The following SLC2A9 variants were observed in gnomAD, a reference collection of about 807,000 sequenced individuals.
SLC2A9 encodes the protein solute carrier family 2, facilitated glucose transporter member 9.
In SLC2A9, 39 loss-of-function variants were observed where a neutral mutation model predicts 50.6. The ratio of observed to expected loss-of-function variants is 0.77; its 90% CI spans 0.60 to 1.01. SLC2A9 has a LOEUF of 1.01. Ranked by LOEUF, SLC2A9 falls within the 50% of genes least tolerant of loss-of-function variation. SLC2A9 has a pLI of 0.00. For missense variants in SLC2A9, 686 were observed against 677.6 expected (o/e 1.01, Z -0.14); for synonymous variants, 324 against 276.9 (o/e 1.17, Z -1.69).
intron 8 of SLC2A9, among the ~76,000 whole-genome samples, chr4:9,892,986 CCA>C (rs1737806143): frequency 2.0e-5 from 3 of 152,160 alleles, no homozygotes; most frequent in Non-Finnish European, 4.4e-5. Flanking sequence ...ATTATTTGCT[CCA>C]TTTTACAGGT....
At chr4:9,775,888 T>A (rs974176338), downstream of SLC2A9, among the ~76,000 whole-genome samples, 3 of 152,194 alleles carry the variant, frequency 2.0e-5, no homozygotes, top group African/African-American at 7.2e-5. Flanking sequence ...ATGGGCCTTC[T>A]CCATCTGTAG....
At chr4:9,799,700 C>CCACCCA (rs1553813203) in intron 3 of SLC2A9, among the ~76,000 whole-genome samples, 1 of 93,636 alleles carries the variant, frequency 1.1e-5, no homozygotes, top group Non-Finnish European at 2.1e-5. Flanking sequence ...GTACCCCCCC[C>CCACCCA]CCACCCAACT....
intron 5 of SLC2A9, among the ~76,000 whole-genome samples, chr4:9,961,768 A>G (rs567247790): frequency 6.6e-6 from 1 of 152,336 alleles, no homozygotes; most frequent in South Asian, 2.1e-4. Context: ...ATCAGAGAAA[A>G]CAGACAGCCT....
chr4:9,852,133 G>C (rs979467672), intron 10 of SLC2A9, among the ~76,000 whole-genome samples: 15 of 152,268 alleles, frequency 9.9e-5, no homozygotes, highest in African/African-American at 3.1e-4. Context: ...AATGTTAAAG[G>C]CAGCTAGAGA....
chr4:9,913,330 TGA>T (rs968021703), intron 7 of SLC2A9, among the ~76,000 whole-genome samples: 1,611 of 88,672 alleles, frequency 0.018, 7 homozygotes, highest in African/African-American at 0.032. Context: ...TGTGTGTGTG[TGA>T]GAGAGAGAGA....
At chr4:9,791,996 C>T (rs536555957) in intron 3 of SLC2A9, among the ~76,000 whole-genome samples, 4 of 152,060 alleles carry the variant, frequency 2.6e-5, no homozygotes, top group Non-Finnish European at 5.9e-5. Flanking sequence ...ACTTTGTAAA[C>T]CTTTTTCCAT....
chr4:9,782,267 A>G (rs1452228230), intron 3 of SLC2A9: 4 of 1,613,814 alleles, frequency 2.5e-6, no homozygotes, highest in East Asian at 2.2e-5. Flanking sequence ...CAACGTCTTC[A>G]TCGTGTCTCT....
At chr4:9,955,931 G>A (rs1011957776) in intron 5 of SLC2A9, among the ~76,000 whole-genome samples, 14 of 132,142 alleles carry the variant, frequency 1.1e-4, no homozygotes, top group Non-Finnish European at 1.7e-4. Context: ...AGGCTGGAGT[G>A]TAGTGGTGCA....
downstream of SLC2A9, among the ~76,000 whole-genome samples, chr4:9,795,842 G>A (rs147774694): frequency 1.6e-3 from 243 of 152,252 alleles, 1 homozygote; most frequent in African/African-American, 5.8e-3. Flanking sequence ...GACCTCAGGG[G>A]GAACCAAAGA....
chr4:9,952,022 G>A (rs1750376723), intron 5 of SLC2A9, among the ~76,000 whole-genome samples: 1 of 152,334 alleles, frequency 6.6e-6, no homozygotes, highest in South Asian at 2.1e-4. Context: ...AAGAAAGAGA[G>A]TGCCCTCTGG....
At chr4:9,920,615 T>C in intron 6 of SLC2A9, 43 bp from the exon 7 acceptor site, 1 of 1,610,058 alleles carries the variant, frequency 6.2e-7, no homozygotes, top group South Asian at 1.1e-5. Context: ...GGGATTAGAG[T>C]GTCCATCATG....
At chr4:10,008,381 G>A (rs1761163086) in intron 2 of SLC2A9, among the ~76,000 whole-genome samples, 1 of 152,222 alleles carries the variant, frequency 6.6e-6, no homozygotes, top group Admixed American at 6.5e-5. Context: ...GTCAGCAGCT[G>A]TGCTGGCTCT....
intron 5 of SLC2A9, among the ~76,000 whole-genome samples, chr4:9,952,539 T>A (rs900275836): frequency 6.6e-6 from 1 of 151,060 alleles, no homozygotes; most frequent in Admixed American, 6.6e-5. Context: ...TGTCTGTCTT[T>A]TTTTTTTTTT....
rs1456341806 is a variant in SLC2A9, at chr4:9,980,631, G to A, written c.642C>T (p.Phe214=). Reference sequence around the variant, plus strand: ...CGGGCAGGCCCAGAAGCTGCCCAGTGAACACGCCAATGCAGATAAAGATGG... The same window carrying A: ...CGGGCAGGCCCAGAAGCTGCCCAGTAAACACGCCAATGCAGATAAAGATGG... The part of the protein sequence containing the change: ...VTAIFICIGV[F]TGQLLGLPEL... The change falls in exon 5 of 12, where the codon TTC becomes TTT. Residue 214 remains phenylalanine (F), a synonymous_variant. Transcript: ENST00000264784. 1 of 1,614,162 alleles carries A rather than the reference G, an allele frequency of 6.2e-7. No homozygotes were observed. The highest frequency in any genetic ancestry group is 8.5e-7 in the Non-Finnish European group (1 of 1,180,032).
chr4:9,956,121 G>A (rs1348122248), intron 5 of SLC2A9, among the ~76,000 whole-genome samples: 2 of 151,554 alleles, frequency 1.3e-5, no homozygotes, highest in Non-Finnish European at 2.9e-5. Context: ...TCAGGTGATC[G>A]ACCTGCCTCG....
intron 10 of SLC2A9, among the ~76,000 whole-genome samples, chr4:9,864,206 C>T (rs1732087691): frequency 6.6e-6 from 1 of 152,060 alleles, no homozygotes; most frequent in African/African-American, 2.4e-5. Flanking sequence ...TTTCAAGAAA[C>T]AGGCTGCCAC....
chr4:9,962,584 G>A (rs1752436647), intron 5 of SLC2A9, among the ~76,000 whole-genome samples: 1 of 152,148 alleles, frequency 6.6e-6, no homozygotes, highest in African/African-American at 2.4e-5. Context: ...TGGGCAGGGG[G>A]AGGGACAGTA....
At chr4:9,816,899 G>A (rs1327140463) in intron 3 of SLC2A9, among the ~76,000 whole-genome samples, 1 of 152,036 alleles carries the variant, frequency 6.6e-6, no homozygotes, top group Non-Finnish European at 1.5e-5. Context: ...ACAGTTCTGG[G>A]GATCAAAAAT....
At chr4:9,963,745 C>A (rs1752647623) in intron 5 of SLC2A9, among the ~76,000 whole-genome samples, 1 of 152,138 alleles carries the variant, frequency 6.6e-6, no homozygotes, top group Admixed American at 6.5e-5. Flanking sequence ...AGGTGGGACC[C>A]GCATTGTGGG....
Sources: allele counts gnomAD v4.1 joint callset (sites outside exome capture counted in the v4.1 genomes callset), GRCh38; gene constraint gnomAD v4.1.1; transcripts MANE v1.5; gene names NCBI Gene and HGNC (gene_info 2026-07-23, HGNC 2026-07-21).